Variants in INO80 observed in about 807,000 individuals in gnomAD.
INO80 encodes INO80 complex ATPase subunit, also known as chromatin-remodeling ATPase INO80.
A neutral mutation model predicts 203.4 loss-of-function variants in INO80; 20 were observed. The ratio of observed to expected loss-of-function variants is 0.10; its 90% CI spans 0.07 to 0.14. The LOEUF is 0.14. Among genes scored for constraint, INO80 ranks in the 10% least tolerant of loss-of-function variants. The probability of loss-of-function intolerance (pLI) is 1.00; values close to 1 mark genes in which losing one functional copy is unlikely to be tolerated. For missense variants in INO80, 1,419 were observed against 1,914.4 expected (o/e 0.74, Z 4.83); for synonymous variants, 726 against 685.2 (o/e 1.06, Z -0.93).
intron 13 of INO80, 64 bp downstream of exon 13, chr15:41,070,403 G>A (rs1689583892): frequency 1.4e-6 from 2 of 1,439,512 alleles, no homozygotes; most frequent in Non-Finnish European, 2.0e-6. Flanking sequence ...TTAAGTGGCT[G>A]ATTTTCAACA....
intron 27 of INO80, among the ~76,000 whole-genome samples, chr15:41,007,238 A>C (rs1351458054): frequency 7.4e-6 from 1 of 134,522 alleles, no homozygotes; most frequent in Non-Finnish European, 1.5e-5. Flanking sequence ...GCTGGAGTGC[A>C]GTGGCACAAT....
intron 14 of INO80, among the ~76,000 whole-genome samples, chr15:41,062,983 A>G (rs1353260748): frequency 6.6e-6 from 1 of 152,314 alleles, no homozygotes; most frequent in South Asian, 2.1e-4. Flanking sequence ...GAAAGGAGAG[A>G]ACCAAAACAC....
intron 29 of INO80, among the ~76,000 whole-genome samples, chr15:40,992,395 C>A (rs1018107843): frequency 1.3e-5 from 2 of 152,218 alleles, no homozygotes; most frequent in Non-Finnish European, 2.9e-5. Context: ...AGCTGCCATA[C>A]ATCATTTGCT....
intron 27 of INO80, among the ~76,000 whole-genome samples, chr15:41,009,348 C>A (rs1466163505): frequency 6.7e-6 from 1 of 150,370 alleles, no homozygotes; most frequent in African/African-American, 2.4e-5. Flanking sequence ...CGTCATCTAG[C>A]ATTAGGTATA....
chr15:41,022,662 C>G (rs150499016), intron 25 of INO80, among the ~76,000 whole-genome samples: 46 of 152,260 alleles, frequency 3.0e-4, no homozygotes, highest in African/African-American at 1.1e-3. Context: ...ACTGAGTTTG[C>G]TAGGGAGCAG....
chr15:41,091,966 T>C, intron 5 of INO80, 61 bp downstream of exon 5: 2 of 1,444,640 alleles, frequency 1.4e-6, no homozygotes, highest in Non-Finnish European at 1.9e-6. Flanking sequence ...TGATGTATCT[T>C]TAATGACTAT....
intron 24 of INO80, among the ~76,000 whole-genome samples, chr15:41,041,592 C>T (rs552416717): frequency 5.3e-4 from 81 of 151,984 alleles, no homozygotes; most frequent in Admixed American, 4.0e-3. Flanking sequence ...AGGCGCACAC[C>T]GCCACGCCCA....
intron 34 of INO80, among the ~76,000 whole-genome samples, chr15:40,983,491 C>T (rs1893912231): frequency 6.6e-6 from 1 of 152,112 alleles, no homozygotes; most frequent in Admixed American, 6.6e-5. Flanking sequence ...CCCCACACAG[C>T]AAAGTGAGGA....
intron 25 of INO80, 24 bp downstream of exon 25, chr15:41,027,572 T>C (rs933150326): frequency 7.0e-6 from 11 of 1,564,190 alleles, no homozygotes; most frequent in Non-Finnish European, 8.7e-6. Context: ...ATCTATTTCA[T>C]CTCTTCCCTC....
intron 25 of INO80, among the ~76,000 whole-genome samples, chr15:41,023,880 T>TTTTA (rs200709362): frequency 2.6e-5 from 4 of 151,434 alleles, no homozygotes; most frequent in Non-Finnish European, 5.9e-5. Context: ...ATTTAAAAAT[T>TTTTA]TTTATTTATT....
intron 35 of INO80, among the ~76,000 whole-genome samples, chr15:40,982,128 G>A (rs987647443): frequency 2.6e-5 from 4 of 152,262 alleles, no homozygotes; most frequent in African/African-American, 7.2e-5. Context: ...CAGGAGCAAG[G>A]TCCATGTGGA....
intron 12 of INO80, among the ~76,000 whole-genome samples, 153 bp from the exon 13 acceptor site, chr15:41,070,700 T>C (rs777571711): frequency 1.3e-5 from 2 of 152,228 alleles, no homozygotes; most frequent in African/African-American, 2.4e-5. Flanking sequence ...GCTATAGTAA[T>C]TGCTTTTGCC....
intron 14 of INO80, among the ~76,000 whole-genome samples, chr15:41,060,622 C>A (rs1409457069): frequency 1.3e-5 from 2 of 151,968 alleles, no homozygotes. Context: ...GAAAAAGACT[C>A]TTGTAACCAG....
intron 23 of INO80, among the ~76,000 whole-genome samples, chr15:41,046,197 GTATACATACATATATATATATA>G (rs1308077448): frequency 3.8e-5 from 4 of 105,148 alleles, no homozygotes; most frequent in Admixed American, 9.5e-5. Flanking sequence ...CTCTGTGTGC[GTATACATACATATATATATATA>G]TATATATATA....
intron 1 of INO80, among the ~76,000 whole-genome samples, chr15:41,100,423 G>A (rs1471537800): frequency 1.3e-5 from 2 of 152,140 alleles, no homozygotes; most frequent in Admixed American, 6.6e-5. Context: ...ATGTGAGTAT[G>A]AAATCAAAAA....
chr15:41,014,214 T>C lies in INO80; in HGVS notation c.3402+1874A>G, dbSNP rs932821288. Among the ~76,000 whole-genome samples, 36 of 152,216 alleles carry C rather than the reference T, an allele frequency of 2.4e-4. 1 individual carries two copies. Among genetic ancestry groups the C allele is most frequent in the Middle Eastern group, 3.2e-3 (1 of 316 alleles). On this transcript the variant is annotated intron_variant, in intron 27 of 35. Coordinates refer to ENST00000648947, the MANE Select transcript of INO80 (RefSeq NM_017553.3). Reference sequence around the variant, plus strand: ...TTGCTCATTCACATTCCCTTGGAACTTTCCTTTCATATGAATCAACATGTA... The same window carrying C: ...TTGCTCATTCACATTCCCTTGGAACCTTCCTTTCATATGAATCAACATGTA...
chr15:41,015,994 C>A, intron 27 of INO80, 94 bp downstream of exon 27: 1 of 937,024 alleles, frequency 1.1e-6, no homozygotes, highest in Non-Finnish European at 1.6e-6. Flanking sequence ...AGTTTTGGGG[C>A]TCCCATTAAG....
intron 6 of INO80, among the ~76,000 whole-genome samples, chr15:41,087,285 C>T (rs1321258606): frequency 1.3e-5 from 2 of 152,192 alleles, no homozygotes; most frequent in East Asian, 1.9e-4. Flanking sequence ...TTAAAGTATA[C>T]GAGAGGATGT....
intron 14 of INO80, among the ~76,000 whole-genome samples, chr15:41,069,083 C>A (rs2045269768): frequency 6.6e-6 from 1 of 152,120 alleles, no homozygotes. Flanking sequence ...TTGTTCCCAG[C>A]AGTAAGTTTT....
Sources: allele counts gnomAD v4.1 joint callset (sites outside exome capture counted in the v4.1 genomes callset), GRCh38; gene constraint gnomAD v4.1.1; transcripts MANE v1.5; gene names NCBI Gene and HGNC (gene_info 2026-07-23, HGNC 2026-07-21).